SLC22A5: variants seen among roughly 807,000 people sequenced by gnomAD.
SLC22A5 encodes the protein organic cation/carnitine transporter 2.
A neutral mutation model predicts 56.7 loss-of-function variants in SLC22A5; 44 were observed. The observed-to-expected ratio is 0.78, with a 90% CI of 0.61 to 1.00. The LOEUF (loss-of-function observed/expected upper bound fraction) is 1.00. Among genes scored for constraint, SLC22A5 ranks in the 50% least tolerant of loss-of-function variants. The pLI, the probability that SLC22A5 is intolerant of heterozygous loss-of-function variation, is 0.00. For missense variants in SLC22A5, 675 were observed against 723.0 expected (o/e 0.93, Z 0.76); for synonymous variants, 278 against 292.1 (o/e 0.95, Z 0.49).
intron 1 of SLC22A5, 136 bp from the exon 2 acceptor site, chr5:132,378,242 C>T (rs754363092): frequency 1.2e-5 from 19 of 1,613,914 alleles, no homozygotes; most frequent in African/African-American, 2.7e-5. Flanking sequence ...CCAGGTGAGC[C>T]ATCACCTGAC....
In SLC22A5 at chr5:132,392,556, GAGT is replaced by G; in HGVS notation, c.1392_1394del (p.Val465del). 1 of 1,614,088 alleles carries G rather than the reference GAGT, an allele frequency of 6.2e-7. No individual in the cohort carries two copies. Among genetic ancestry groups the G allele is most frequent in the Admixed American group, 1.7e-5 (1 of 60,016 alleles). On this transcript the variant is annotated inframe_deletion, in exon 8 of 10. Transcript: ENST00000245407. ...ACAGTGGTGAGAAACATGGGTGTGG[GAGT>G]CAGCTCCACAGCATCCCGCCTGGGC...
chr5:132,371,689 G>A (rs975260440), intron 1 of SLC22A5, among the ~76,000 whole-genome samples: 2 of 152,130 alleles, frequency 1.3e-5, no homozygotes, highest in African/African-American at 2.4e-5. Flanking sequence ...AGGCCTCTCC[G>A]TGAGCCTAGG....
At chr5:132,382,024 A>C (rs1046975938) in intron 2 of SLC22A5, 13 of 152,206 alleles carry the variant, frequency 8.5e-5, no homozygotes, top group African/African-American at 3.1e-4. Context: ...CTACCAGGCG[A>C]GAGTTTCTCA....
At chr5:132,383,239 AG>A (rs1235195230) in intron 2 of SLC22A5, 1 of 152,220 alleles carries the variant, frequency 6.6e-6, no homozygotes, top group Non-Finnish European at 1.5e-5. Flanking sequence ...GAGTTTTTTT[AG>A]TTTTATTATC....
intron 2 of SLC22A5, chr5:132,382,851 T>C (rs1309410862): frequency 6.6e-6 from 1 of 152,208 alleles, no homozygotes; most frequent in Non-Finnish European, 1.5e-5. Flanking sequence ...CCAAGTGCCC[T>C]CTATAATAGA....
At chr5:132,373,984 T>TGAGGCAGGTGGATCAC (rs529122075) in intron 1 of SLC22A5, among the ~76,000 whole-genome samples, 1 of 152,048 alleles carries the variant, frequency 6.6e-6, no homozygotes, top group Non-Finnish European at 1.5e-5. Context: ...TTTGGGAGGC[T>TGAGGCAGGTGGATCAC]GAGGCAGGTG....
intron 9 of SLC22A5, 38 bp downstream of exon 9, chr5:132,393,849 T>A (rs913046324): frequency 6.2e-7 from 1 of 1,612,878 alleles, no homozygotes; most frequent in African/African-American, 1.3e-5. Context: ...ATGCACTGGG[T>A]CTGGGTCTGG....
At chr5:132,389,780 A>G (rs1027846710) in intron 6 of SLC22A5, 2 of 154,574 alleles carry the variant, frequency 1.3e-5, no homozygotes, top group Non-Finnish European at 2.9e-5. Context: ...CCCGCTTCCA[A>G]GGAATGGCCC....
chr5:132,392,378 A>G, intron 7 of SLC22A5, 55 bp from the exon 8 acceptor site: 8 of 1,502,834 alleles, frequency 5.3e-6, no homozygotes, highest in African/African-American at 1.4e-5. Context: ...TGCTCTCAAT[A>G]GCTGCATGCC....
At chr5:132,378,122 G>A in intron 1 of SLC22A5, 1 of 1,553,592 alleles carries the variant, frequency 6.4e-7, no homozygotes, top group Non-Finnish European at 8.7e-7. Context: ...CATGTGGACA[G>A]AACACTTACT....
At position 132,370,374 on chromosome 5, in the gene SLC22A5, C is replaced by T. The variant is rs1751861935; in HGVS notation, c.393+9C>T. The T allele has an allele frequency of 3.7e-6, 6 of 1,611,384 alleles. No homozygotes were observed. The highest frequency in any genetic ancestry group is 1.1e-5 in the South Asian group (1 of 90,656). On this transcript the variant is annotated intron_variant, in intron 1 of 9. Transcript: ENST00000245407. ...CCACCATTGTGACCGAGGTGGGTGC[C>T]GGCCCCTGCTGGGGCTGAGACCAGG...
chr5:132,386,959 T>G, intron 4 of SLC22A5, 66 bp from the exon 5 acceptor site: 1 of 1,566,896 alleles, frequency 6.4e-7, no homozygotes, highest in Non-Finnish European at 8.8e-7. Context: ...ATGGCTGTGC[T>G]CTACCTGGTC....
chr5:132,392,688 G>A, intron 8 of SLC22A5, 73 bp downstream of exon 8: 1 of 1,348,642 alleles, frequency 7.4e-7, no homozygotes, highest in Non-Finnish European at 1.1e-6. Flanking sequence ...GTGAGCTGGA[G>A]GTTGCGTGTT....
rs1752836612 is a variant in SLC22A5 at position 132,395,232 on chromosome 5, A to C, written c.*960A>C. 7.3e-5 allele frequency: 1 copy of C among 13,784 alleles called. No individual in the cohort carries two copies. The highest frequency in any genetic ancestry group is 1.3e-3 in the Admixed American group (1 of 752). 0.9% of individuals were successfully genotyped at this position (13,784 alleles called of 1,614,324 possible). ...GTGTCTTTTTTTTTTTTTTTTTAAA[A>C]CAGAATCACTCTGGCAATTGTCTGC... On this transcript the variant is annotated 3_prime_UTR_variant, in exon 10 of 10. Coordinates refer to ENST00000245407, the MANE Select transcript of SLC22A5 (RefSeq NM_003060.4).
At chr5:132,376,376 G>GT (rs1055695985) in intron 1 of SLC22A5, 3 of 152,318 alleles carry the variant, frequency 2.0e-5, no homozygotes, top group Admixed American at 2.0e-4. Context: ...ACTAAGGACA[G>GT]GCTGGACCAA....
At chr5:132,392,337 CA>C in intron 7 of SLC22A5, 95 bp from the exon 8 acceptor site, 1 of 1,180,946 alleles carries the variant, frequency 8.5e-7, no homozygotes, top group South Asian at 1.2e-5. Flanking sequence ...ACTGACTCCC[CA>C]AAAAATTTGG....
Position 132,370,272 on chromosome 5 carries a change from G to A in SLC22A5, c.300G>A (p.Gly100=), listed in dbSNP as rs552442289. 1.9e-6 allele frequency: 3 copies of A among 1,597,416 alleles called. No homozygotes were observed. Among genetic ancestry groups the A allele is most frequent in the East Asian group, 4.5e-5 (2 of 44,046 alleles). The part of the protein sequence containing the change: ...ANFSALGLEP[G]RDVDLGQLEQ... ...TCTCGGCGCTTGGGCTGGAGCCGGGGCGCGACGTGGACCTGGGGCAGCTGG... is the reference window on the plus strand; with the variant it reads ...TCTCGGCGCTTGGGCTGGAGCCGGGACGCGACGTGGACCTGGGGCAGCTGG... The change falls in exon 1 of 10, where the codon GGG becomes GGA. Residue 100 remains glycine, a synonymous_variant. Transcript: ENST00000245407.
Position 132,385,384 on chromosome 5 carries a change from A to C in SLC22A5, c.709A>C (p.Ile237Leu). ...RIIFSTLGVC[I>L]FYAFGYMVLP... Reference sequence around the variant, plus strand: ...AATATTCTCTACGTTAGGAGTGTGCATATTTTATGCATTTGGCTACATGGT... The same window carrying C: ...AATATTCTCTACGTTAGGAGTGTGCCTATTTTATGCATTTGGCTACATGGT... The change falls in exon 4 of 10, where the codon ATA becomes CTA. Residue 237 changes from isoleucine to leucine, a missense_variant. Coordinates refer to ENST00000245407, the MANE Select transcript of SLC22A5 (RefSeq NM_003060.4). 1.2e-6 allele frequency: 2 copies of C among 1,614,086 alleles called. No homozygotes were observed. Among genetic ancestry groups the C allele is most frequent in the South Asian group, 2.2e-5 (2 of 91,086 alleles).
chr5:132,378,215 G>C (rs775055001), intron 1 of SLC22A5, 163 bp from the exon 2 acceptor site: 1 of 1,613,252 alleles, frequency 6.2e-7, no homozygotes, highest in African/African-American at 1.3e-5. Flanking sequence ...AAAGAAGCCT[G>C]CTCTCTGCCT....
Sources: allele counts gnomAD v4.1 joint callset (sites outside exome capture counted in the v4.1 genomes callset), GRCh38; gene constraint gnomAD v4.1.1; transcripts MANE v1.5; gene names NCBI Gene and HGNC (gene_info 2026-07-23, HGNC 2026-07-21).